The following KDM6A variants were observed in gnomAD, a reference collection of about 807,000 sequenced individuals.
KDM6A encodes lysine-specific demethylase 6A.
KDM6A carries 11 observed loss-of-function variants against 117.6 expected under a neutral mutation model. That is an observed-to-expected ratio of 0.09 (90% CI 0.06 to 0.15). The LOEUF (loss-of-function observed/expected upper bound fraction) is 0.15, where lower values mean the gene tolerates loss of function less well. Ranked by LOEUF, KDM6A falls within the 10% of genes least tolerant of loss-of-function variation. The pLI, the probability that KDM6A is intolerant of heterozygous loss-of-function variation, is 1.00. For synonymous variants in KDM6A, 384 were observed against 396.1 expected, an observed-to-expected ratio of 0.97 and a Z score of 0.36; for missense variants, 799 against 1,077.3, an observed-to-expected ratio of 0.74 and a Z score of 3.62.
intron 3 of KDM6A, among the ~76,000 whole-genome samples, chrX:44,963,721 C>T (rs764372386): frequency 9.1e-6 from 1 of 109,958 alleles, no homozygotes; most frequent in African/African-American, 3.3e-5. Flanking sequence ...TTCCAGACTC[C>T]TGCTAATGTC....
At chrX:44,984,767 C>G (rs1225785784) in intron 4 of KDM6A, among the ~76,000 whole-genome samples, 1 of 111,546 alleles carries the variant, frequency 9.0e-6, no homozygotes, top group Non-Finnish European at 1.9e-5. Context: ...TTCCATTGGT[C>G]TGTATCTCTG....
At chrX:44,915,736 T>TC (rs2035509497) in intron 2 of KDM6A, among the ~76,000 whole-genome samples, 1 of 111,585 alleles carries the variant, frequency 9.0e-6, no homozygotes, top group African/African-American at 3.3e-5. Context: ...CCACTGTTAG[T>TC]CCACTTAGTA....
At chrX:45,015,001 T>C (rs997660191) in intron 5 of KDM6A, among the ~76,000 whole-genome samples, 3 of 112,331 alleles carry the variant, frequency 2.7e-5, no homozygotes, top group Non-Finnish European at 3.8e-5. Context: ...AAAAAAGGAT[T>C]AGGAGAATGA....
intron 5 of KDM6A, among the ~76,000 whole-genome samples, chrX:45,011,596 C>A (rs1332033399): frequency 9.0e-5 from 10 of 111,072 alleles, no homozygotes; most frequent in Non-Finnish European, 1.7e-4. Flanking sequence ...AATATTATGG[C>A]CTTTGCCCCA....
At chrX:45,079,071 TAAA>T in intron 20 of KDM6A, 72 bp from the exon 21 acceptor site, 3 of 689,940 alleles carry the variant, frequency 4.3e-6, no homozygotes, top group Non-Finnish European at 6.2e-6. Flanking sequence ...CTTCTTCCTT[TAAA>T]AAAAAAAAGC....
At chrX:44,963,630 C>A (rs999837860) in intron 3 of KDM6A, among the ~76,000 whole-genome samples, 2 of 111,033 alleles carry the variant, frequency 1.8e-5, no homozygotes, top group African/African-American at 3.3e-5. Flanking sequence ...TTTGCTGTTT[C>A]CAGCACATCT....
intron 2 of KDM6A, among the ~76,000 whole-genome samples, chrX:44,884,648 G>C (rs1466177163): frequency 8.9e-6 from 1 of 111,994 alleles, no homozygotes; most frequent in East Asian, 2.8e-4. Flanking sequence ...TCTTGGAAGA[G>C]ACGAGTTTAA....
intron 25 of KDM6A, among the ~76,000 whole-genome samples, chrX:45,088,057 CG>C (rs1328848934): frequency 9.2e-6 from 1 of 109,129 alleles, no homozygotes; most frequent in African/African-American, 3.3e-5. Flanking sequence ...ATTTTTGGGG[CG>C]GGGGGTGTCT....
chrX:44,938,687 G>A (rs1326805018), intron 2 of KDM6A, among the ~76,000 whole-genome samples: 1 of 112,373 alleles, frequency 8.9e-6, no homozygotes, highest in Non-Finnish European at 1.9e-5. Context: ...GGAAGAAGAT[G>A]CCATGTAGGA....
At chrX:45,020,973 C>T (rs1023451716) in intron 6 of KDM6A, among the ~76,000 whole-genome samples, 1 of 111,212 alleles carries the variant, frequency 9.0e-6, no homozygotes, top group African/African-American at 3.3e-5. Context: ...ATAGTTTTAA[C>T]TAAGATCTGT....
intron 12 of KDM6A, 45 bp downstream of exon 12, chrX:45,059,511 A>G: frequency 1.1e-6 from 1 of 941,080 alleles, no homozygotes; most frequent in Non-Finnish European, 1.5e-6. Flanking sequence ...ATATTTCCCC[A>G]GAACACTCAG....
At chrX:45,073,046 C>T (rs939990641) in intron 18 of KDM6A, among the ~76,000 whole-genome samples, 7 of 109,212 alleles carry the variant, frequency 6.4e-5, no homozygotes, top group African/African-American at 2.0e-4. Flanking sequence ...CAGCAGGCCC[C>T]GGTGTGTGAT....
At position 45,083,105 on chromosome X, in the gene KDM6A, A is replaced by G. The variant is rs193221104; in HGVS notation, c.3440+316A>G. On this transcript the variant is annotated intron_variant, in intron 23 of 29. Coordinates refer to ENST00000611820, the MANE Select transcript of KDM6A (RefSeq NM_001291415.2). ...TGCACCCTGCCAAATTTTTTTTTTTACTTAAAACTTTTCTGCAGTTTTTCA... is the reference window on the plus strand; with the variant it reads ...TGCACCCTGCCAAATTTTTTTTTTTGCTTAAAACTTTTCTGCAGTTTTTCA... 4.7e-3 allele frequency among the ~76,000 whole-genome samples: 520 copies of G among 109,491 alleles called. 5 individuals carry two copies. In the South Asian group the frequency reaches 0.063, roughly 13 times the overall value.
At chrX:45,079,072 A>T (rs983702553) in intron 20 of KDM6A, 74 bp from the exon 21 acceptor site, 22 of 312,572 alleles carry the variant, frequency 7.0e-5, no homozygotes, top group Non-Finnish European at 9.9e-5. Context: ...TTCTTCCTTT[A>T]AAAAAAAAAA....
intron 2 of KDM6A, among the ~76,000 whole-genome samples, chrX:44,939,070 A>G (rs747267973): frequency 8.9e-6 from 1 of 112,711 alleles, no homozygotes; most frequent in African/African-American, 3.2e-5. Flanking sequence ...GCCTGCTAAC[A>G]CAACATCCAT....
At chrX:44,890,642 CTTTTTTTTTT>C (rs761568154) in intron 2 of KDM6A, among the ~76,000 whole-genome samples, 27 of 34,767 alleles carry the variant, frequency 7.8e-4, no homozygotes, top group South Asian at 7.4e-3. Context: ...TGATGTTGAA[CTTTTTTTTTT>C]TTTTTTTTTT....
intron 3 of KDM6A, among the ~76,000 whole-genome samples, chrX:44,972,808 G>C (rs977132976): frequency 5.4e-5 from 6 of 111,274 alleles, no homozygotes; most frequent in Admixed American, 2.9e-4. Context: ...GCCAAGGCAG[G>C]TGGATCACTT....
chrX:45,090,894 C>T (rs1329759590), intron 27 of KDM6A, 30 bp downstream of exon 27: 1 of 1,200,943 alleles, frequency 8.3e-7, no homozygotes, highest in Non-Finnish European at 1.1e-6. Context: ...GCTGTAGTCC[C>T]TCTCTTTTTG....
intron 18 of KDM6A, among the ~76,000 whole-genome samples, chrX:45,072,330 A>G (rs1470797004): frequency 1.8e-5 from 2 of 111,633 alleles, no homozygotes; most frequent in African/African-American, 3.3e-5. Context: ...TTAAGAGGAC[A>G]TTGGATGATC....
Sources: allele counts gnomAD v4.1 joint callset (sites outside exome capture counted in the v4.1 genomes callset), GRCh38; gene constraint gnomAD v4.1.1; transcripts MANE v1.5; gene names NCBI Gene and HGNC (gene_info 2026-07-23, HGNC 2026-07-21).